GRID2: variants seen among roughly 807,000 people sequenced by gnomAD.
GRID2 encodes glutamate ionotropic receptor delta type subunit 2.
In GRID2, 33 loss-of-function variants were observed where a neutral mutation model predicts 114.8. The ratio of observed to expected loss-of-function variants is 0.29; its 90% confidence interval spans 0.22 to 0.38. The LOEUF is 0.38. Among genes scored for constraint, GRID2 ranks in the 10% least tolerant of loss-of-function variants. GRID2 has a pLI of 1.00. For synonymous variants in GRID2, 505 were observed against 449.9 expected, an observed-to-expected ratio of 1.12 and a Z score of -1.55; for missense variants, 1,184 against 1,257.7, an observed-to-expected ratio of 0.94 and a Z score of 0.89.
intron 2 of GRID2, among the ~76,000 whole-genome samples, chr4:93,075,985 G>A (rs922898417): frequency 7.3e-6 from 1 of 137,770 alleles, no homozygotes; most frequent in Non-Finnish European, 1.5e-5. Context: ...CTCACTGCAA[G>A]CTCCGCCTCC....
intron 2 of GRID2, among the ~76,000 whole-genome samples, chr4:92,883,338 C>A (rs561611142): frequency 6.6e-6 from 1 of 152,276 alleles, no homozygotes; most frequent in Non-Finnish European, 1.5e-5. Flanking sequence ...TTTATCACAT[C>A]CACAGTTATT....
chr4:92,657,439 G>A (rs771997580), intron 2 of GRID2, among the ~76,000 whole-genome samples: 18 of 150,646 alleles, frequency 1.2e-4, no homozygotes, highest in African/African-American at 1.9e-4. Context: ...GCGTATACTC[G>A]TGCTATGAAA....
At chr4:92,975,385 C>T (rs1334869368) in intron 2 of GRID2, among the ~76,000 whole-genome samples, 3 of 151,924 alleles carry the variant, frequency 2.0e-5, no homozygotes, top group African/African-American at 7.3e-5. Context: ...AGACCATTGT[C>T]ATCATGGATG....
intron 2 of GRID2, among the ~76,000 whole-genome samples, chr4:92,811,165 T>C (rs1193351386): frequency 1.3e-5 from 2 of 152,078 alleles, no homozygotes; most frequent in Non-Finnish European, 2.9e-5. Flanking sequence ...AAAATATCTT[T>C]TTGCAGTATG....
chr4:92,510,276 A>G (rs529546673), intron 1 of GRID2, among the ~76,000 whole-genome samples: 1 of 152,004 alleles, frequency 6.6e-6, no homozygotes, highest in African/African-American at 2.4e-5. Context: ...AGTACAATGG[A>G]TTTGTCATTT....
chr4:93,536,581 G>A (rs1464903320), intron 13 of GRID2, among the ~76,000 whole-genome samples: 1 of 150,108 alleles, frequency 6.7e-6, no homozygotes, highest in Non-Finnish European at 1.5e-5. Context: ...TAAACCTCCT[G>A]AAAGAAAATA....
chr4:93,727,827 T>C (rs1283185189), intron 14 of GRID2, among the ~76,000 whole-genome samples: 3 of 152,236 alleles, frequency 2.0e-5, no homozygotes, highest in Non-Finnish European at 4.4e-5. Context: ...GGATCGGTGA[T>C]GATATCCCCT....
At chr4:93,713,206 T>C (rs1440736167) in intron 14 of GRID2, among the ~76,000 whole-genome samples, 1 of 152,146 alleles carries the variant, frequency 6.6e-6, no homozygotes, top group Admixed American at 6.6e-5. Context: ...TGTAATAATC[T>C]TTTCTTTTTC....
rs143332245 is a variant in GRID2, at chr4:93,087,967, T to C, written c.529+2688T>C. On this transcript the variant is annotated intron_variant, in intron 3 of 15. Transcript: ENST00000282020. ...TGACTTTTATCTTGGTTATGAAGAA[T>C]TGCTTTCATTAAGAAATGGATTAAC... 6.1e-3 allele frequency among the ~76,000 whole-genome samples: 929 copies of C among 152,256 alleles called. 14 individuals are homozygous for C. The highest frequency in any genetic ancestry group is 0.021 in the African/African-American group (874 of 41,568).
chr4:93,554,083 G>A (rs940026787), intron 13 of GRID2, among the ~76,000 whole-genome samples: 2 of 152,132 alleles, frequency 1.3e-5, no homozygotes, highest in Middle Eastern at 3.2e-3. Flanking sequence ...GTGAGATTCA[G>A]TCTCACTATC....
intron 9 of GRID2, among the ~76,000 whole-genome samples, chr4:93,402,519 C>G (rs1765995769): frequency 6.6e-6 from 1 of 151,986 alleles, no homozygotes; most frequent in East Asian, 1.9e-4. Flanking sequence ...TCATTGTCAT[C>G]AAACTTCAGA....
chr4:93,018,831 T>G (rs1378259446), intron 2 of GRID2, among the ~76,000 whole-genome samples: 2 of 152,100 alleles, frequency 1.3e-5, no homozygotes, highest in Non-Finnish European at 2.9e-5. Flanking sequence ...AAACTCCTAG[T>G]AACTTGTAGG....
At chr4:93,297,742 A>G (rs1754467928) in intron 8 of GRID2, among the ~76,000 whole-genome samples, 1 of 152,196 alleles carries the variant, frequency 6.6e-6, no homozygotes, top group Non-Finnish European at 1.5e-5. Flanking sequence ...ATCACAGGCA[A>G]ATATCTTTTC....
chr4:93,307,643 T>C (rs539305963), intron 8 of GRID2, among the ~76,000 whole-genome samples: 5 of 152,266 alleles, frequency 3.3e-5, no homozygotes, highest in East Asian at 3.9e-4. Context: ...ATAATTTTAA[T>C]TCTCCCTCCT....
At chr4:92,992,517 A>G (rs867322273) in intron 2 of GRID2, among the ~76,000 whole-genome samples, 1 of 152,150 alleles carries the variant, frequency 6.6e-6, no homozygotes, top group Non-Finnish European at 1.5e-5. Flanking sequence ...AATGCAATGT[A>G]TCTTTTCCAT....
At chr4:93,255,311 T>TA (rs908769890) in intron 8 of GRID2, among the ~76,000 whole-genome samples, 5 of 152,092 alleles carry the variant, frequency 3.3e-5, no homozygotes, top group Admixed American at 6.6e-5. Context: ...ATGGCTTTCT[T>TA]AAAAAAACCT....
At position 92,639,990 on chromosome 4, in the gene GRID2, T is replaced by G. The variant is rs1019144248; in HGVS notation, c.244+49704T>G. 5.3e-5 allele frequency among the ~76,000 whole-genome samples: 8 copies of G among 151,764 alleles called. No individual in the cohort carries two copies. In the South Asian group the frequency reaches 1.0e-3, roughly 20 times the overall value. On this transcript the variant is annotated intron_variant, in intron 2 of 15. Coordinates refer to ENST00000282020, the MANE Select transcript of GRID2 (RefSeq NM_001510.4). ...TCTTATGATTTCTAACACAGACACT[T>G]CGGCTGAAATGCCATAAAACACTTA... is the stretch of plus-strand genomic sequence containing the variant.
chr4:93,307,415 A>G (rs1229019184), intron 8 of GRID2, among the ~76,000 whole-genome samples: 1 of 151,240 alleles, frequency 6.6e-6, no homozygotes, highest in Non-Finnish European at 1.5e-5. Flanking sequence ...TTCCTTTCTT[A>G]CCAGTTTGAC....
intron 4 of GRID2, among the ~76,000 whole-genome samples, chr4:93,197,698 C>T (rs1741643804): frequency 6.6e-6 from 1 of 152,082 alleles, no homozygotes; most frequent in African/African-American, 2.4e-5. Flanking sequence ...CACTATGCCT[C>T]CATGAAGAAA....
Sources: gnomAD v4.1 joint callset for allele counts (sites outside exome capture counted in the v4.1 genomes callset) on GRCh38, gnomAD v4.1.1 for gene constraint, MANE v1.5 for transcripts, NCBI Gene and HGNC (gene_info 2026-07-23, HGNC 2026-07-21) for gene names.